The following MEIS3 variants were observed in gnomAD, a reference collection of about 807,000 sequenced individuals.
MEIS3 encodes the protein homeobox protein Meis3.
MEIS3 carries 38 observed loss-of-function variants against 51.4 expected under a neutral mutation model. That is an observed-to-expected ratio of 0.74 (90% CI 0.57 to 0.97). MEIS3 has a LOEUF of 0.97. MEIS3 is among the 50% of genes least tolerant of loss of function. MEIS3 has a pLI of 0.00. For missense variants in MEIS3, 456 were observed against 502.6 expected (o/e 0.91, Z 0.89); for synonymous variants, 198 against 201.8 (o/e 0.98, Z 0.16).
rs1971428347 is a variant in MEIS3, at chr19:47,416,663, G to A, written c.385C>T (p.Leu129=). 6.5e-7 allele frequency: 1 copy of A among 1,549,968 alleles called. No individual in the cohort carries two copies. The highest frequency in any genetic ancestry group is 1.4e-5 in the African/African-American group (1 of 73,136). The change falls in exon 4 of 13, where the codon CTG becomes TTG. Residue 129 remains leucine (L), a synonymous_variant. Coordinates refer to ENST00000558555, the MANE Select transcript of MEIS3 (RefSeq NM_001301059.2). ...ERPLFSSNPE[L]DNLMIQAIQV... ...GGCTCGGGTCTCACCAGATTGTCCA[G>A]TTCTGGGTTGGAGGAGAAGAGGGGC...
Position 47,403,156 on chromosome 19 carries a change from A to G in MEIS3, c.*415T>C, listed in dbSNP as rs1045355008. On this transcript the variant is annotated 3_prime_UTR_variant, in exon 13 of 13. Transcript: ENST00000558555. ...TTTTAAGACTTTATCATTAAAAAAA[A>G]GAAGAAATTAGAGAAGGGAGGTAGG... 1.3e-5 allele frequency: 3 copies of G among 225,698 alleles called. No homozygotes were observed. The highest frequency in any genetic ancestry group is 2.4e-5 in the African/African-American group (1 of 41,890). 14.0% of individuals were successfully genotyped at this position (225,698 alleles called of 1,614,324 possible).
chr19:47,420,916 A>T (rs1213174759), upstream of MEIS3, among the ~76,000 whole-genome samples: 65 of 101,482 alleles, frequency 6.4e-4, no homozygotes, highest in African/African-American at 2.9e-3. Context: ...TCTCTCACAC[A>T]CACACACACA....
Position 47,419,340 on chromosome 19 carries a change from C to A in MEIS3, c.-259G>T, listed in dbSNP as rs1057278292. ...TCGCCGCCGGGGCGGGGGCAGCAGGCGCAGGCGGGGCGCCCGAGGCCCCCT... is the reference window on the plus strand; with the variant it reads ...TCGCCGCCGGGGCGGGGGCAGCAGGAGCAGGCGGGGCGCCCGAGGCCCCCT... On this transcript the variant is annotated 5_prime_UTR_variant, in exon 1 of 13. Transcript: ENST00000558555. The A allele has an allele frequency of 1.5e-4, 25 of 166,936 alleles. No individual in the cohort carries two copies. In the South Asian group the frequency reaches 4.4e-3, roughly 30 times the overall value. 10.3% of individuals were successfully genotyped at this position (166,936 alleles called of 1,614,324 possible).
In MEIS3 at chr19:47,414,875, G is replaced by C; in HGVS notation, c.448-9C>G. ...TCGCACAGGTCGTGGACCTGGGGGG[G>C]CACCGGGGTACTGGGGGGGGCCACC... On this transcript the variant is annotated splice_polypyrimidine_tract_variant and intron_variant, in intron 5 of 12. Coordinates refer to ENST00000558555, the MANE Select transcript of MEIS3 (RefSeq NM_001301059.2). The C allele has an allele frequency of 6.4e-7, 1 of 1,564,906 alleles. No individual in the cohort carries two copies. The highest frequency in any genetic ancestry group is 8.7e-7 in the Non-Finnish European group (1 of 1,146,218).
intron 8 of MEIS3, among the ~76,000 whole-genome samples, chr19:47,407,892 C>A (rs1409669951): frequency 1.3e-5 from 2 of 152,222 alleles, no homozygotes; most frequent in Non-Finnish European, 1.5e-5. Flanking sequence ...ACCGCAAACT[C>A]CGCCTCCGGG....
In MEIS3 at chr19:47,407,071, C is replaced by T; in HGVS notation, c.994+8G>A. ...CCCAGGCTCTCCGTCCCCGCCTTCC[C>T]CCTGTACCTGTGCGGTTGGATTGAT... On this transcript the variant is annotated splice_region_variant and intron_variant, in intron 10 of 12. Coordinates refer to ENST00000558555, the MANE Select transcript of MEIS3 (RefSeq NM_001301059.2). 6.2e-7 allele frequency: 1 copy of T among 1,609,566 alleles called. No individual in the cohort carries two copies. Among genetic ancestry groups the T allele is most frequent in the Non-Finnish European group, 8.5e-7 (1 of 1,178,334 alleles).
Position 47,417,948 on chromosome 19 carries a change from C to T in MEIS3, c.13-598G>A, listed in dbSNP as rs1971542418. 4 of 548,674 alleles carry T rather than the reference C, an allele frequency of 7.3e-6. No homozygotes were observed. The South Asian group carries it at 1.0e-4, about 14-fold the overall frequency. 34.0% of individuals were successfully genotyped at this position (548,674 alleles called of 1,614,324 possible). On this transcript the variant is annotated intron_variant, in intron 1 of 12. Coordinates refer to ENST00000558555, the MANE Select transcript of MEIS3 (RefSeq NM_001301059.2). ...CCACACACACATGCACACACACATG[C>T]ACACAGCCCAACACCAGGCACAAGA...
At chr19:47,416,624 G>T in intron 4 of MEIS3, 28 bp downstream of exon 4, 7 of 1,492,746 alleles carry the variant, frequency 4.7e-6, no homozygotes, top group Non-Finnish European at 6.3e-6. Flanking sequence ...ATTGGAGGAG[G>T]GGGTGTGGGG....
intron 1 of MEIS3, chr19:47,417,831 C>G: frequency 3.3e-6 from 2 of 611,696 alleles, no homozygotes; most frequent in Non-Finnish European, 5.9e-6. Context: ...TCACACTCCA[C>G]TCGCCACGTG....
Position 47,407,344 on chromosome 19 carries a change from C to T in MEIS3, c.935+8G>A. ...GGGCCGGCCCGCGGGCCCTCCTGGG[C>T]CACTCACCAGTTGTTGACTTGCAGG... On this transcript the variant is annotated splice_region_variant and intron_variant, in intron 9 of 12. Transcript: ENST00000558555. 6.2e-7 allele frequency: 1 copy of T among 1,612,250 alleles called. No homozygotes were observed. Among genetic ancestry groups the T allele is most frequent in the Non-Finnish European group, 8.5e-7 (1 of 1,179,488 alleles).
At chr19:47,416,729 G>A (rs2122557141) in intron 3 of MEIS3, 27 bp from the exon 4 acceptor site, 3 of 1,608,248 alleles carry the variant, frequency 1.9e-6, no homozygotes, top group Non-Finnish European at 2.5e-6. Flanking sequence ...AGGCCGGCAG[G>A]GGGATGTCCC....
Position 47,412,567 on chromosome 19 carries a change from T to C in MEIS3, c.597+2150A>G, listed in dbSNP as rs368146854. On this transcript the variant is annotated intron_variant, in intron 6 of 12. Transcript: ENST00000558555. ...AACACCCAGCTAATTTGTTGTTGTT[T>C]GTTTGTTTTTTTGAGACAGAGTCTT... Among the ~76,000 whole-genome samples the C allele has an allele frequency of 7.2e-5, 11 of 151,840 alleles. No homozygotes were observed. In the South Asian group the frequency reaches 2.1e-3, roughly 29 times the overall value.
chr19:47,421,869 C>T (rs1971722789), upstream of MEIS3, among the ~76,000 whole-genome samples: 2 of 151,394 alleles, frequency 1.3e-5, no homozygotes, highest in South Asian at 2.1e-4. Flanking sequence ...TGTCTCTTCT[C>T]CCTCCTTCCT....
At chr19:47,416,995 G>C (rs771324200) in intron 2 of MEIS3, 32 bp from the exon 3 acceptor site, 1 of 1,555,492 alleles carries the variant, frequency 6.4e-7, no homozygotes, top group Non-Finnish European at 8.7e-7. Context: ...GAGGTTGAGG[G>C]AGAGGCTGGG....
Position 47,403,425 on chromosome 19 carries a change from T to C in MEIS3, c.*146A>G, listed in dbSNP as rs1331054757. The C allele has an allele frequency of 1.5e-5, 7 of 454,822 alleles. No homozygotes were observed. Among genetic ancestry groups the C allele is most frequent in the Non-Finnish European group, 3.1e-5 (7 of 226,912 alleles). 28.2% of individuals were successfully genotyped at this position (454,822 alleles called of 1,614,324 possible). ...CCTTGGATGGGCACTCAGGCCCCCA[T>C]GTCCCAGCAGGGCCCTAGGGAGGTA... On this transcript the variant is annotated 3_prime_UTR_variant, in exon 13 of 13. Coordinates refer to ENST00000558555, the MANE Select transcript of MEIS3 (RefSeq NM_001301059.2).
In MEIS3 at chr19:47,409,489, C is replaced by T. The variant is rs773556659; in HGVS notation, c.656G>A (p.Gly219Asp). Residue 219 changes from glycine (G) to aspartate (D), a missense_variant, in exon 7 of 13, where the codon GGT (glycine) becomes GAT (aspartate). By Grantham distance (94) the Gly-to-Asp change is moderately conservative (BLOSUM62 -1). Coordinates refer to ENST00000558555, the MANE Select transcript of MEIS3 (RefSeq NM_001301059.2). ...GGAGGCCAGGCCCCCACTGGATGGA[C>T]CTGGGGTCCCCAAATGTACAGACCC... ...DSGSVHLGTP[G>D]PSSGGLASQS... is the part of the protein sequence containing the mutation. 1 of 1,614,040 alleles carries T rather than the reference C, an allele frequency of 6.2e-7. No homozygotes were observed. The highest frequency in any genetic ancestry group is 8.5e-7 in the Non-Finnish European group (1 of 1,179,992).
upstream of MEIS3, among the ~76,000 whole-genome samples, chr19:47,419,876 C>G (rs1599834632): frequency 6.6e-6 from 1 of 152,300 alleles, no homozygotes; most frequent in East Asian, 1.9e-4. Flanking sequence ...GACCCCCTCC[C>G]TGGCCATCTC....
upstream of MEIS3, among the ~76,000 whole-genome samples, chr19:47,421,521 C>T (rs1357029383): frequency 7.2e-5 from 11 of 152,168 alleles, no homozygotes; most frequent in African/African-American, 2.2e-4. Flanking sequence ...CCTCCTGCCT[C>T]GGTTTCCCCT....
rs759014398 is a variant in MEIS3 at position 47,416,900 on chromosome 19, G to A, written c.249C>T (p.Pro83=). ...FEKCELATCS[P]RDGAGAGLGT... ...CCAGCCCAGCTCCGGCCCCGTCACG[G>A]GGAGAGCATGTAGCCAGTTCACATT... The change falls in exon 3 of 13, where the codon CCC becomes CCT. Residue 83 remains proline, a synonymous_variant. Coordinates refer to ENST00000558555, the MANE Select transcript of MEIS3 (RefSeq NM_001301059.2). The A allele has an allele frequency of 9.9e-6, 16 of 1,613,192 alleles. No individual in the cohort carries two copies. The highest frequency in any genetic ancestry group is 1.6e-4 in the Middle Eastern group (1 of 6,076).
Sources: allele counts gnomAD v4.1 joint callset (sites outside exome capture counted in the v4.1 genomes callset), GRCh38; gene constraint gnomAD v4.1.1; transcripts MANE v1.5; gene names NCBI Gene and HGNC (gene_info 2026-07-23, HGNC 2026-07-21).